GSAP: variants seen among roughly 807,000 people sequenced by gnomAD.
GSAP encodes the protein gamma-secretase-activating protein.
A neutral mutation model predicts 131.7 loss-of-function variants in GSAP; 118 were observed. The ratio of observed to expected loss-of-function variants is 0.90; its 90% CI spans 0.77 to 1.04. The LOEUF is 1.04. Among genes scored for constraint, GSAP ranks in the 50% least tolerant of loss-of-function variants. The pLI, the probability that GSAP is intolerant of heterozygous loss-of-function variation, is 0.00. For synonymous variants in GSAP, 381 were observed against 363.4 expected (o/e 1.05, Z -0.55); for missense variants, 1,019 against 1,013.2 (o/e 1.01, Z -0.08).
At chr7:77,351,634 G>C (rs1563002208) in intron 18 of GSAP, 1 of 985,434 alleles carries the variant, frequency 1.0e-6, no homozygotes, top group Non-Finnish European at 1.2e-6. Context: ...CGCTCTTCTT[G>C]GACTTCCTGA....
chr7:77,411,668 A>G lies in GSAP; in HGVS notation c.109+4545T>C, dbSNP rs111873518. The stretch of plus-strand genomic sequence containing the variant: ...TTGTTCATAGTTGGAAAGATCCAAT[A>G]TTGTAAAGATGCCAATTCTCCCCAA... On this transcript the variant is annotated intron_variant, in intron 1 of 30. Coordinates refer to ENST00000257626, the MANE Select transcript of GSAP (RefSeq NM_017439.4). Among the ~76,000 whole-genome samples the G allele has an allele frequency of 6.0e-4, 91 of 152,346 alleles. 1 individual carries two copies. The highest frequency in any genetic ancestry group is 2.0e-3 in the African/African-American group (84 of 41,578).
Position 77,416,206 on chromosome 7 carries a change from C to T in GSAP, c.109+7G>A. The T allele has an allele frequency of 7.0e-7, 1 of 1,419,686 alleles. No homozygotes were observed. Among genetic ancestry groups the T allele is most frequent in the South Asian group, 1.4e-5 (1 of 72,280 alleles). The allele number at this position is 1,419,686 out of a possible 1,614,324, so 87.9% of individuals were successfully genotyped here. On this transcript the variant is annotated splice_region_variant and intron_variant, in intron 1 of 30. Transcript: ENST00000257626. ...CCCCACCCCTCTCCGCAGCGCGCCT[C>T]CCGCACCTGCGCCGCCGCTTCCGGC... is the stretch of plus-strand genomic sequence containing the variant.
At chr7:77,360,789 T>A (rs1473144293) in intron 14 of GSAP, 35 bp downstream of exon 14, 1 of 1,120,304 alleles carries the variant, frequency 8.9e-7, no homozygotes, top group Admixed American at 1.7e-5. Flanking sequence ...GGAACAAGTG[T>A]TCAGAGCAGG....
At chr7:77,319,245 T>C (rs1787282354) in intron 26 of GSAP, among the ~76,000 whole-genome samples, 1 of 152,150 alleles carries the variant, frequency 6.6e-6, no homozygotes, top group South Asian at 2.1e-4. Context: ...GGGACTTGAA[T>C]AGACATTTCT....
intron 26 of GSAP, among the ~76,000 whole-genome samples, chr7:77,317,556 C>T (rs1338019415): frequency 6.6e-6 from 1 of 152,214 alleles, no homozygotes; most frequent in African/African-American, 2.4e-5. Flanking sequence ...TTTTCCTTAC[C>T]TGACCCACAG....
At chr7:77,330,128 C>A (rs149046223) in intron 20 of GSAP, 111 bp downstream of exon 20, 1 of 1,250,626 alleles carries the variant, frequency 8.0e-7, no homozygotes, top group Non-Finnish European at 1.1e-6. Flanking sequence ...AAGTCCCTGG[C>A]AATTGGGAAG....
In GSAP at chr7:77,329,499, T is replaced by C. The variant is rs561257321; in HGVS notation, c.1675-108A>G. On this transcript the variant is annotated intron_variant, in intron 20 of 30. Coordinates refer to ENST00000257626, the MANE Select transcript of GSAP (RefSeq NM_017439.4). ...TTAAGAGCATCAGAGAGAAGAAATA[T>C]ACTTTCCAGGTAATCAGAACACCTA... 55 of 493,692 alleles carry C rather than the reference T, an allele frequency of 1.1e-4. 1 individual carries two copies. The Middle Eastern group carries it at 6.6e-3, about 60-fold the overall frequency. 30.6% of individuals were successfully genotyped at this position (493,692 alleles called of 1,614,324 possible). A position where few individuals can be genotyped will look rare whatever the true frequency, so the allele number is the denominator to read the frequency against.
At chr7:77,346,363 G>C (rs1323053661) in intron 19 of GSAP, among the ~76,000 whole-genome samples, 2 of 151,250 alleles carry the variant, frequency 1.3e-5, no homozygotes, top group South Asian at 4.2e-4. Flanking sequence ...GGGGGCTAGG[G>C]ACAAACTAAA....
Position 77,312,167 on chromosome 7 carries a change from A to G in GSAP, c.2307T>C (p.His769=). 6.2e-7 allele frequency: 1 copy of G among 1,603,974 alleles called. No homozygotes were observed. The highest frequency in any genetic ancestry group is 8.5e-7 in the Non-Finnish European group (1 of 1,176,308). The change falls in exon 29 of 31, where the codon CAT becomes CAC. Residue 769 remains histidine (H), a synonymous_variant. Transcript: ENST00000257626. Reference sequence around the variant, plus strand: ...GCGAAATGATGTTAGAACTCATAGGATGATCCCAAAGTCTACAAATCTTCT... The same window carrying G: ...GCGAAATGATGTTAGAACTCATAGGGTGATCCCAAAGTCTACAAATCTTCT... ...IGQKICRLWD[H]PMSSNIISRN... is the part of the protein sequence containing the mutation.
chr7:77,327,908 T>G (rs574320929), intron 22 of GSAP, among the ~76,000 whole-genome samples: 1 of 152,302 alleles, frequency 6.6e-6, no homozygotes, highest in South Asian at 2.1e-4. Flanking sequence ...AGAAGCCACA[T>G]GTTAACATTT....
intron 19 of GSAP, among the ~76,000 whole-genome samples, chr7:77,335,734 A>G (rs1374223568): frequency 6.6e-6 from 1 of 152,228 alleles, no homozygotes; most frequent in Non-Finnish European, 1.5e-5. Context: ...CTTTGGTCCT[A>G]CTTCTGCTGA....
At chr7:77,391,683 G>C (rs1799571991) in intron 5 of GSAP, among the ~76,000 whole-genome samples, 1 of 151,920 alleles carries the variant, frequency 6.6e-6, no homozygotes, top group South Asian at 2.1e-4. Flanking sequence ...AAAATATTAA[G>C]AACAAGCTGG....
intron 26 of GSAP, among the ~76,000 whole-genome samples, chr7:77,319,953 G>C (rs186778941): frequency 3.9e-5 from 6 of 152,284 alleles, no homozygotes; most frequent in Non-Finnish European, 2.9e-5. Context: ...CTAAAGACCT[G>C]CTATCCAACA....
At chr7:77,359,080 G>A (rs1476617612) in intron 14 of GSAP, among the ~76,000 whole-genome samples, 4 of 152,154 alleles carry the variant, frequency 2.6e-5, no homozygotes, top group African/African-American at 9.6e-5. Context: ...CCAGCTACTT[G>A]GGAGGCTGAG....
intron 26 of GSAP, chr7:77,315,543 A>G (rs972957800): frequency 6.6e-6 from 1 of 152,216 alleles, no homozygotes; most frequent in African/African-American, 2.4e-5. Flanking sequence ...CATTTCATAA[A>G]TGGAAAAACC....
intron 16 of GSAP, 42 bp downstream of exon 16, chr7:77,355,171 G>A (rs760626383): frequency 2.0e-5 from 24 of 1,225,456 alleles, no homozygotes; most frequent in Middle Eastern, 1.9e-4. Flanking sequence ...TATGTTCAGT[G>A]TCGTCTATCT....
intron 5 of GSAP, among the ~76,000 whole-genome samples, chr7:77,396,199 C>CT (rs527504000): frequency 1.8e-4 from 26 of 147,142 alleles, no homozygotes; most frequent in Admixed American, 3.4e-4. Flanking sequence ...ATCTCTTGAA[C>CT]TTTTTTTTTT....
chr7:77,353,996 G>C (rs1793287190), intron 16 of GSAP, among the ~76,000 whole-genome samples: 1 of 152,184 alleles, frequency 6.6e-6, no homozygotes, highest in South Asian at 2.1e-4. Context: ...CACTAGGCTT[G>C]AGGGCAGCAG....
chr7:77,379,555 T>C (rs567033568), intron 8 of GSAP, among the ~76,000 whole-genome samples: 1 of 152,208 alleles, frequency 6.6e-6, no homozygotes, highest in Admixed American at 6.5e-5. Context: ...ACCATCACTC[T>C]TCCCAGTGTG....
Sources: allele counts gnomAD v4.1 joint callset (sites outside exome capture counted in the v4.1 genomes callset), GRCh38; gene constraint gnomAD v4.1.1; transcripts MANE v1.5; gene names NCBI Gene and HGNC (gene_info 2026-07-23, HGNC 2026-07-21).